The following CEP85 variants were observed in gnomAD, a reference collection of about 807,000 sequenced individuals.
CEP85 encodes centrosomal protein 85.
CEP85 carries 58 observed loss-of-function variants against 93.7 expected under a neutral mutation model. The observed-to-expected ratio is 0.62, with a 90% CI of 0.50 to 0.77. The LOEUF (loss-of-function observed/expected upper bound fraction) is 0.77. Ranked by LOEUF, CEP85 falls within the 30% of genes least tolerant of loss-of-function variation. The pLI is 0.00. For missense variants in CEP85, 868 were observed against 922.0 expected, an observed-to-expected ratio of 0.94 and a Z score of 0.76; for synonymous variants, 314 against 338.6, an observed-to-expected ratio of 0.93 and a Z score of 0.80.
intron 9 of CEP85, 28 bp downstream of exon 9, chr1:26,269,642 G>A (rs764442494): frequency 3.1e-6 from 5 of 1,592,974 alleles, no homozygotes; most frequent in East Asian, 4.5e-5. Context: ...ACTGAGAGGA[G>A]TGGAGAGTTA....
chr1:26,247,306 T>A (rs1347717489), intron 3 of CEP85, among the ~76,000 whole-genome samples: 1 of 152,208 alleles, frequency 6.6e-6, no homozygotes, highest in Admixed American at 6.5e-5. Flanking sequence ...TCCATTAATA[T>A]ACTAAAACCC....
At chr1:26,273,034 A>T (rs1481450296) in intron 11 of CEP85, among the ~76,000 whole-genome samples, 21 of 152,136 alleles carry the variant, frequency 1.4e-4, no homozygotes, top group Admixed American at 1.4e-3. Context: ...GGACTGTTGG[A>T]GAAATTCTCG....
rs531878856 is a variant in CEP85, at chr1:26,270,459, A to G, written c.1650-555A>G. ...TTTCTGAAAATAATGGTGTGTTTCA[A>G]CAGCCTCTTGGACCAAATCCAGTTT... On this transcript the variant is annotated intron_variant, in intron 9 of 13. Coordinates refer to ENST00000451429, the MANE Select transcript of CEP85 (RefSeq NM_001319944.2). Among the ~76,000 whole-genome samples the G allele has an allele frequency of 1.6e-4, 25 of 152,344 alleles. No individual in the cohort carries two copies. In the South Asian group the frequency reaches 4.8e-3, roughly 29 times the overall value.
intron 3 of CEP85, among the ~76,000 whole-genome samples, chr1:26,247,059 C>T (rs2124567635): frequency 6.6e-6 from 1 of 152,306 alleles, no homozygotes; most frequent in African/African-American, 2.4e-5. Flanking sequence ...TAAATTCTCA[C>T]AGGAGCAGGA....
intron 1 of CEP85, among the ~76,000 whole-genome samples, chr1:26,235,358 T>G (rs1385946551): frequency 6.6e-6 from 1 of 152,194 alleles, no homozygotes; most frequent in Non-Finnish European, 1.5e-5. Context: ...GTCTCACGAC[T>G]TTTCTTTGTA....
intron 11 of CEP85, among the ~76,000 whole-genome samples, chr1:26,274,666 C>T (rs760900576): frequency 6.2e-4 from 95 of 152,196 alleles, no homozygotes; most frequent in Non-Finnish European, 1.2e-3. Flanking sequence ...AGTCATTCAT[C>T]GTGACGGTGT....
chr1:26,270,911 G>A, intron 9 of CEP85, 103 bp from the exon 10 acceptor site: 1 of 712,190 alleles, frequency 1.4e-6, no homozygotes, highest in Admixed American at 2.2e-5. Flanking sequence ...GCTACTGCTT[G>A]GACTAAGTGT....
rs1362965642 is a variant in CEP85 at position 26,268,564 on chromosome 1, C to T, written c.1423C>T (p.Arg475Cys). The change falls in exon 8 of 14, where the codon CGT becomes TGT. Residue 475 changes from arginine (R) to cysteine (C), a missense_variant. Transcript: ENST00000451429. ...AGAGCAGAACCGGGAGAAGCAGCAG[C>T]GTATTGAGACCTTGGAGCGCTACCT... ...ESEQNREKQQ[R>C]IETLERYLAD... The T allele has an allele frequency of 7.4e-6, 12 of 1,613,890 alleles. No homozygotes were observed. Among genetic ancestry groups the T allele is most frequent in the Middle Eastern group, 1.6e-4 (1 of 6,080 alleles).
At chr1:26,258,609 C>CT (rs759886417) in intron 6 of CEP85, among the ~76,000 whole-genome samples, 139 of 140,006 alleles carry the variant, frequency 9.9e-4, no homozygotes, top group Middle Eastern at 7.2e-3. Context: ...TATTCTCTCT[C>CT]TTTTTTTTTT....
rs140332904 is a variant in CEP85, at chr1:26,271,030, T to G, written c.1666T>G (p.Ser556Ala). The stretch of plus-strand genomic sequence containing the variant: ...GTCTTTCAGCCTGCAAGATAAACAG[T>G]CTGTGGAGGAGACCAGTGGAGAAGG... ...SAGHSLQDKQSVEETSGEGPE... is the reference protein window; with the variant it reads ...SAGHSLQDKQAVEETSGEGPE... The change falls in exon 10 of 14, where the codon TCT becomes GCT. Residue 556 changes from serine (S) to alanine (A), a missense_variant. Physicochemically the swap from Ser to Ala is moderately conservative, Grantham distance 99. Transcript: ENST00000451429. The G allele has an allele frequency of 1.2e-4, 194 of 1,611,704 alleles. No homozygotes were observed. In the African/African-American group the frequency reaches 2.5e-3, roughly 20 times the overall value.
intron 7 of CEP85, among the ~76,000 whole-genome samples, chr1:26,264,810 T>G (rs1557663615): frequency 6.6e-6 from 1 of 151,968 alleles, no homozygotes; most frequent in African/African-American, 2.4e-5. Flanking sequence ...TATACATAGT[T>G]TTTTTTGTTT....
intron 1 of CEP85, among the ~76,000 whole-genome samples, chr1:26,237,013 T>C (rs1446768574): frequency 6.6e-6 from 1 of 152,184 alleles, no homozygotes; most frequent in Non-Finnish European, 1.5e-5. Context: ...AAATGTTTCT[T>C]ACAGACATCT....
In CEP85 at chr1:26,255,139, T is replaced by G. The variant is rs778837017; in HGVS notation, c.209-32T>G. 8 of 1,578,780 alleles carry G rather than the reference T, an allele frequency of 5.1e-6. No individual in the cohort carries two copies. The South Asian group carries it at 6.8e-5, about 13-fold the overall frequency. Reference sequence around the variant, plus strand: ...AACTCAAGAAAGCTTGCTACTTCAATTTTTACTTATGGAAGACTATTCTCT... The same window carrying G: ...AACTCAAGAAAGCTTGCTACTTCAAGTTTTACTTATGGAAGACTATTCTCT... On this transcript the variant is annotated intron_variant, in intron 3 of 13. Coordinates refer to ENST00000451429, the MANE Select transcript of CEP85 (RefSeq NM_001319944.2).
At chr1:26,247,732 C>T (rs1272920736) in intron 3 of CEP85, among the ~76,000 whole-genome samples, 1 of 152,156 alleles carries the variant, frequency 6.6e-6, no homozygotes, top group Non-Finnish European at 1.5e-5. Context: ...GCCTTGAACT[C>T]CTGGGCTCAA....
Position 26,241,336 on chromosome 1 carries a change from G to A in CEP85, c.55+1498G>A, listed in dbSNP as rs181774691. On this transcript the variant is annotated intron_variant, in intron 2 of 13. Coordinates refer to ENST00000451429, the MANE Select transcript of CEP85 (RefSeq NM_001319944.2). ...CGGCTCACTACAAGCTCCGCTTCCC[G>A]GGTTCATGCCATTCTCCTGCCTCAG... Among the ~76,000 whole-genome samples the A allele has an allele frequency of 1.1e-3, 157 of 143,400 alleles. 1 individual carries two copies. The highest frequency in any genetic ancestry group is 1.9e-3 in the Non-Finnish European group (124 of 66,754). 94.1% of individuals were successfully genotyped at this position (143,400 alleles called of 152,430 possible). A position where few individuals can be genotyped will look rare whatever the true frequency, so the allele number is the denominator to read the frequency against.
At chr1:26,258,701 A>G (rs999469711) in intron 6 of CEP85, among the ~76,000 whole-genome samples, 1 of 149,352 alleles carries the variant, frequency 6.7e-6, no homozygotes, top group African/African-American at 2.5e-5. Context: ...GGTTCAAGCA[A>G]TTCTCCTGCC....
At chr1:26,255,887 G>A (rs778089640) in intron 4 of CEP85, 22 bp downstream of exon 4, 9 of 1,568,440 alleles carry the variant, frequency 5.7e-6, no homozygotes, top group African/African-American at 1.4e-5. Flanking sequence ...TCTTTCCTTG[G>A]ATTTTCTAGG....
chr1:26,269,272 CCT>C (rs2089936888), intron 8 of CEP85, 186 bp from the exon 9 acceptor site: 1 of 590,382 alleles, frequency 1.7e-6, no homozygotes, highest in Non-Finnish European at 3.0e-6. Flanking sequence ...CTTCCCCTCC[CCT>C]GTCCAGTTGT....
intron 10 of CEP85, 143 bp from the exon 11 acceptor site, chr1:26,271,878 T>C: frequency 1.5e-6 from 1 of 687,746 alleles, no homozygotes; most frequent in African/African-American, 1.8e-5. Flanking sequence ...TATATTCCTA[T>C]AGGTAGAGTT....
Sources: allele counts gnomAD v4.1 joint callset (sites outside exome capture counted in the v4.1 genomes callset), GRCh38; gene constraint gnomAD v4.1.1; transcripts MANE v1.5; gene names NCBI Gene and HGNC (gene_info 2026-07-23, HGNC 2026-07-21).